DYM: variants seen among roughly 807,000 people sequenced by gnomAD.
DYM encodes the protein dyggve-Melchior-Clausen syndrome protein.
Under a neutral mutation model 93.1 loss-of-function variants are expected in DYM, and 78 were observed. The observed-to-expected ratio is 0.84, with a 90% CI of 0.70 to 1.01. The LOEUF (loss-of-function observed/expected upper bound fraction) is 1.01. Among genes scored for constraint, DYM ranks in the 50% least tolerant of loss-of-function variants. The pLI is 0.00. For missense variants in DYM, 789 were observed against 845.0 expected, an observed-to-expected ratio of 0.93 and a Z score of 0.82; for synonymous variants, 321 against 319.7, an observed-to-expected ratio of 1.00 and a Z score of -0.04.
chr18:49,363,928 G>A (rs775347090), intron 5 of DYM, among the ~76,000 whole-genome samples: 11 of 152,106 alleles, frequency 7.2e-5, no homozygotes, highest in Non-Finnish European at 1.0e-4. Flanking sequence ...TGTGACTTCT[G>A]GTCTTGGACA....
intron 17 of DYM, among the ~76,000 whole-genome samples, chr18:49,047,695 A>G (rs1250086736): frequency 1.3e-5 from 2 of 152,064 alleles, no homozygotes; most frequent in African/African-American, 4.8e-5. Context: ...GCCTCCTCAT[A>G]CACTGTGTTG....
At chr18:49,258,877 G>T (rs963349207) in intron 11 of DYM, among the ~76,000 whole-genome samples, 4 of 134,826 alleles carry the variant, frequency 3.0e-5, no homozygotes, top group African/African-American at 8.6e-5. Flanking sequence ...GAGAGAGAGA[G>T]AGAGAGAGAT....
At chr18:49,306,195 G>C (rs1297946104) in intron 8 of DYM, among the ~76,000 whole-genome samples, 1 of 152,160 alleles carries the variant, frequency 6.6e-6, no homozygotes, top group Non-Finnish European at 1.5e-5. Flanking sequence ...AAGCCTGACA[G>C]GTCATTTTAA....
At chr18:49,111,985 T>A (rs1182537435) in intron 16 of DYM, among the ~76,000 whole-genome samples, 1 of 152,210 alleles carries the variant, frequency 6.6e-6, no homozygotes, top group Non-Finnish European at 1.5e-5. Context: ...TATAGAACCC[T>A]GGGGCTGCGA....
chr18:49,109,581 G>A (rs557234300), intron 16 of DYM, among the ~76,000 whole-genome samples: 2 of 152,300 alleles, frequency 1.3e-5, no homozygotes, highest in East Asian at 3.9e-4. Flanking sequence ...TTCTGGGTCA[G>A]AGACGGAGGG....
chr18:49,138,466 T>C (rs1379824746), intron 15 of DYM, among the ~76,000 whole-genome samples: 2 of 152,188 alleles, frequency 1.3e-5, no homozygotes, highest in Non-Finnish European at 2.9e-5. Flanking sequence ...CTTGATAACA[T>C]GGATACTTAA....
chr18:49,179,408 G>C (rs1166940249), intron 14 of DYM, among the ~76,000 whole-genome samples: 1 of 152,096 alleles, frequency 6.6e-6, no homozygotes, highest in African/African-American at 2.4e-5. Flanking sequence ...CTACTGTAAA[G>C]TTTCTTGATA....
intron 15 of DYM, among the ~76,000 whole-genome samples, chr18:49,146,835 G>A (rs2085203003): frequency 6.6e-6 from 1 of 152,028 alleles, no homozygotes; most frequent in Admixed American, 6.6e-5. Context: ...CACAGAATTG[G>A]AAAAAACTAC....
chr18:49,217,229 A>C (rs1443620475), intron 13 of DYM, among the ~76,000 whole-genome samples: 2 of 152,216 alleles, frequency 1.3e-5, no homozygotes, highest in Non-Finnish European at 2.9e-5. Flanking sequence ...AAACGAACAA[A>C]GCCTTCAAGA....
intron 14 of DYM, among the ~76,000 whole-genome samples, chr18:49,170,405 G>A (rs1218714025): frequency 1.3e-5 from 2 of 152,150 alleles, no homozygotes; most frequent in South Asian, 4.1e-4. Context: ...AGAAGAGAGG[G>A]GAGGAGAAAT....
intron 6 of DYM, among the ~76,000 whole-genome samples, chr18:49,350,957 T>C (rs1019449776): frequency 2.0e-5 from 3 of 152,072 alleles, no homozygotes; most frequent in Admixed American, 1.3e-4. Context: ...TTCCAACAAG[T>C]TAGAATTTTT....
intron 16 of DYM, among the ~76,000 whole-genome samples, chr18:49,097,937 T>G (rs1317261277): frequency 6.6e-6 from 1 of 150,746 alleles, no homozygotes; most frequent in Admixed American, 6.6e-5. Context: ...AGGAAAGAAT[T>G]TGAAACTAAT....
intron 16 of DYM, among the ~76,000 whole-genome samples, chr18:49,101,879 T>G (rs1041171856): frequency 6.6e-6 from 1 of 152,170 alleles, no homozygotes; most frequent in Non-Finnish European, 1.5e-5. Flanking sequence ...AGATCAAACC[T>G]GTATAATTAG....
rs77150024 is a variant in DYM, at chr18:49,430,137, G to A, written c.140+118C>T. The A allele has an allele frequency of 8.7e-4, 862 of 994,502 alleles. 6 individuals carry two copies. The African/African-American group carries it at 0.012, about 13-fold the overall frequency. 61.6% of individuals were successfully genotyped at this position (994,502 alleles called of 1,614,324 possible). A position where few individuals can be genotyped will look rare whatever the true frequency, so the allele number is the denominator to read the frequency against. On this transcript the variant is annotated intron_variant, in intron 2 of 17. Coordinates refer to ENST00000675505, the MANE Select transcript of DYM (RefSeq NM_001353214.3). Reference sequence around the variant, plus strand: ...TCTTTTGGATTTTCTACTGATCTATGTATGACAGATAGACTAGATAGATAG... The same window carrying A: ...TCTTTTGGATTTTCTACTGATCTATATATGACAGATAGACTAGATAGATAG...
At chr18:49,365,160 A>G (rs1390392323) in intron 5 of DYM, among the ~76,000 whole-genome samples, 2 of 152,140 alleles carry the variant, frequency 1.3e-5, no homozygotes, top group Non-Finnish European at 2.9e-5. Context: ...GGAGTCTCAA[A>G]AAAAAAAAGT....
At chr18:49,459,960 T>G (rs2083355211) in intron 1 of DYM, among the ~76,000 whole-genome samples, 1 of 150,952 alleles carries the variant, frequency 6.6e-6, no homozygotes, top group African/African-American at 2.4e-5. Flanking sequence ...TTAAGGGTGG[T>G]GATGGCTGCT....
chr18:49,266,021 G>T (rs1398593778), intron 11 of DYM, among the ~76,000 whole-genome samples: 2 of 152,000 alleles, frequency 1.3e-5, no homozygotes, highest in African/African-American at 4.8e-5. Context: ...TTAGCCAGGT[G>T]TGGTGGTACT....
chr18:49,217,358 A>G (rs1169252231), intron 13 of DYM, among the ~76,000 whole-genome samples: 1 of 152,208 alleles, frequency 6.6e-6, no homozygotes, highest in African/African-American at 2.4e-5. Context: ...GAACTTCCCC[A>G]ATCTAGCAAG....
At chr18:49,269,954 G>A (rs1568140127) in intron 11 of DYM, among the ~76,000 whole-genome samples, 1 of 152,136 alleles carries the variant, frequency 6.6e-6, no homozygotes, top group Non-Finnish European at 1.5e-5. Flanking sequence ...CTATACAGGT[G>A]TGCCTTTTAA....
Sources: gnomAD v4.1 joint callset for allele counts (sites outside exome capture counted in the v4.1 genomes callset) on GRCh38, gnomAD v4.1.1 for gene constraint, MANE v1.5 for transcripts, NCBI Gene and HGNC (gene_info 2026-07-23, HGNC 2026-07-21) for gene names.